Variants in FLNB observed in about 807,000 individuals in gnomAD.
FLNB encodes the protein filamin-B.
In FLNB, 111 loss-of-function variants were observed where a neutral mutation model predicts 250.6. The ratio of observed to expected loss-of-function variants is 0.44; its 90% confidence interval spans 0.38 to 0.52. FLNB has a LOEUF of 0.52. FLNB is among the 20% of genes least tolerant of loss of function. The pLI is 0.00. For synonymous variants in FLNB, 1,302 were observed against 1,372.1 expected, an observed-to-expected ratio of 0.95 and a Z score of 1.13; for missense variants, 2,869 against 3,447.8, an observed-to-expected ratio of 0.83 and a Z score of 4.20.
rs1171618218 is a variant in FLNB, at chr3:58,008,700, G to A, written c.136G>A (p.Asp46Asn). 1.2e-6 allele frequency: 2 copies of A among 1,614,186 alleles called. No individual in the cohort carries two copies. Among genetic ancestry groups the A allele is most frequent in the Admixed American group, 1.7e-5 (1 of 60,034 alleles). Residue 46 changes from aspartate (D) to asparagine (N), a missense_variant, in exon 1 of 46, where the codon GAC (aspartate) becomes AAC (asparagine). Asp to Asn is a conservative substitution (Grantham distance 23, BLOSUM62 1). This residue lies in a region of FLNB where 308 missense variants were observed against 466.1 expected (regional missense o/e 0.66). Transcript: ENST00000295956. ...CGGCAACCTGCAGACCGACCTGAGC[G>A]ACGGGCTGCGGCTCATCGCGCTGCT... ...RIGNLQTDLSDGLRLIALLEV... is the reference protein window; with the variant it reads ...RIGNLQTDLSNGLRLIALLEV...
In FLNB at chr3:58,026,130, C is replaced by A. The variant is rs184580118; in HGVS notation, c.292+17274C>A. On this transcript the variant is annotated intron_variant, in intron 1 of 45. Transcript: ENST00000295956. The stretch of plus-strand genomic sequence containing the variant: ...GGAAAAATAAGTCTTCACGTTAATG[C>A]CATGGGCTACCGCTTCTCTTTTCAG... Among the ~76,000 whole-genome samples the A allele has an allele frequency of 7.9e-4, 120 of 152,292 alleles. 1 individual carries two copies. The highest frequency in any genetic ancestry group is 2.8e-3 in the African/African-American group (116 of 41,562).
intron 4 of FLNB, among the ~76,000 whole-genome samples, chr3:58,090,742 T>C (rs1340598587): frequency 6.6e-6 from 1 of 152,168 alleles, no homozygotes; most frequent in Non-Finnish European, 1.5e-5. Flanking sequence ...CAAGTGGGGT[T>C]TATTGCAGGG....
Position 58,148,195 on chromosome 3 carries a change from A to T in FLNB, c.5729-11A>T. 6.2e-7 allele frequency: 1 copy of T among 1,614,074 alleles called. No homozygotes were observed. Among genetic ancestry groups the T allele is most frequent in the Non-Finnish European group, 8.5e-7 (1 of 1,180,006 alleles). ...ATGTAACGGGAGTCCTTTTTGGGGG[A>T]TGTTTCCCAGATGACAGCAGGCGGT... On this transcript the variant is annotated splice_polypyrimidine_tract_variant and intron_variant, in intron 34 of 45. Coordinates refer to ENST00000295956, the MANE Select transcript of FLNB (RefSeq NM_001457.4).
At chr3:58,038,509 A>T (rs2097141369) in intron 1 of FLNB, among the ~76,000 whole-genome samples, 1 of 151,106 alleles carries the variant, frequency 6.6e-6, no homozygotes, top group African/African-American at 2.4e-5. Context: ...CTATAACCTC[A>T]AATTGCTGGG....
At chr3:58,107,656 T>G (rs2097261830) in intron 12 of FLNB, among the ~76,000 whole-genome samples, 1 of 152,190 alleles carries the variant, frequency 6.6e-6, no homozygotes, top group South Asian at 2.1e-4. Flanking sequence ...CCGTGTCTCT[T>G]AAGTTGGAGC....
intron 4 of FLNB, among the ~76,000 whole-genome samples, chr3:58,084,771 TCTC>T (rs1386758209): frequency 6.6e-6 from 1 of 152,114 alleles, no homozygotes; most frequent in Non-Finnish European, 1.5e-5. Flanking sequence ...CATTCTCCCC[TCTC>T]CTCTGCTCCT....
chr3:58,145,817 G>A lies in FLNB; in HGVS notation c.5426-104G>A, dbSNP rs548429775. ...TGTCTCTTCATGCCTCTGCTTAGGA[G>A]GCGCCAGACCTGTAGAGAGGTGGAC... On this transcript the variant is annotated intron_variant, in intron 32 of 45. Coordinates refer to ENST00000295956, the MANE Select transcript of FLNB (RefSeq NM_001457.4). The A allele has an allele frequency of 2.8e-6, 4 of 1,415,778 alleles. No homozygotes were observed. The African/African-American group carries it at 5.6e-5, about 20-fold the overall frequency. The allele number at this position is 1,415,778 out of a possible 1,614,324, so 87.7% of individuals were successfully genotyped here.
chr3:58,142,459 A>T lies in FLNB; in HGVS notation c.5182-191A>T, dbSNP rs990588432. 2.6e-5 allele frequency among the ~76,000 whole-genome samples: 4 copies of T among 152,052 alleles called. No homozygotes were observed. The highest frequency in any genetic ancestry group is 2.0e-4 in the Admixed American group (3 of 15,266). On this transcript the variant is annotated intron_variant, in intron 30 of 45. Transcript: ENST00000295956. The surrounding 1 kb of genome is among the most constrained non-coding windows in gnomAD (Gnocchi z 4.3). The stretch of plus-strand genomic sequence containing the variant: ...TGATTGCTAACAGTTGGTCAGCATG[A>T]CCTCTCCAGTCCCTCAGGTTCTACC...
intron 38 of FLNB, chr3:58,150,581 T>C: frequency 2.9e-6 from 1 of 342,180 alleles, no homozygotes; most frequent in Non-Finnish European, 5.6e-6. Context: ...TCTGGAAGTA[T>C]TTAAGAGGTG....
At chr3:58,067,636 G>A (rs1227371708) in intron 1 of FLNB, among the ~76,000 whole-genome samples, 26 of 142,398 alleles carry the variant, frequency 1.8e-4, no homozygotes, top group African/African-American at 8.0e-5. Context: ...TCGCTCTGTC[G>A]CCCAGGCTGG....
At chr3:58,132,469 A>C in intron 25 of FLNB, 1 of 433,392 alleles carries the variant, frequency 2.3e-6, no homozygotes, top group Admixed American at 3.5e-5. Flanking sequence ...AAGCGTGCCT[A>C]ACCAGCTTGA....
In FLNB at chr3:58,115,799, C is replaced by CAAGAG. The variant is rs538966514; in HGVS notation, c.2746-3063_2746-3059dup. ...TTGAAGCCACCCACAACCCCACAAC[C>CAAGAG]AAGAGAAGAGAAGACCAAAGTCCTC... On this transcript the variant is annotated intron_variant, in intron 18 of 45. Coordinates refer to ENST00000295956, the MANE Select transcript of FLNB (RefSeq NM_001457.4). Among the ~76,000 whole-genome samples, 904 of 148,052 alleles carry CAAGAG rather than the reference C, an allele frequency of 6.1e-3. 6 individuals are homozygous for CAAGAG. The highest frequency in any genetic ancestry group is 9.5e-3 in the Non-Finnish European group (637 of 67,396).
intron 1 of FLNB, among the ~76,000 whole-genome samples, chr3:58,027,120 C>T (rs982179480): frequency 6.6e-6 from 1 of 151,748 alleles, no homozygotes; most frequent in African/African-American, 2.4e-5. Context: ...GGCAAGATTG[C>T]AGGTCCCAGG....
intron 1 of FLNB, among the ~76,000 whole-genome samples, chr3:58,057,490 C>T (rs985332421): frequency 4.6e-5 from 7 of 152,040 alleles, no homozygotes; most frequent in African/African-American, 9.7e-5. Flanking sequence ...CTGGGTTCAG[C>T]GGGGAGATTT....
Position 58,126,718 on chromosome 3 carries a change from G to C in FLNB, c.4178G>C (p.Gly1393Ala), listed in dbSNP as rs1281492558. 6.2e-7 allele frequency: 1 copy of C among 1,613,858 alleles called. No homozygotes were observed. The highest frequency in any genetic ancestry group is 2.2e-5 in the East Asian group (1 of 44,894). ...GCTGAGTACATTCCTTTCGCACCGG[G>C]GGATTACGATGTTAATATCACATAT... ...CSAEYIPFAPGDYDVNITYGG... is the reference protein window; with the variant it reads ...CSAEYIPFAPADYDVNITYGG... Residue 1393 changes from glycine to alanine, a missense_variant, in exon 24 of 46, where the codon GGG becomes GCG. Transcript: ENST00000295956.
At chr3:58,152,988 T>G in intron 38 of FLNB, 1 of 336,176 alleles carries the variant, frequency 3.0e-6, no homozygotes. Flanking sequence ...CCCTCTGCCA[T>G]TGGGACTTAC....
At chr3:58,052,014 G>A (rs1220805673) in intron 1 of FLNB, among the ~76,000 whole-genome samples, 1 of 152,102 alleles carries the variant, frequency 6.6e-6, no homozygotes, top group Non-Finnish European at 1.5e-5. Flanking sequence ...AGCCTCCTGA[G>A]TGGCTGGGAC....
intron 23 of FLNB, 117 bp downstream of exon 23, chr3:58,125,860 T>C: frequency 9.9e-7 from 1 of 1,011,314 alleles, no homozygotes. Flanking sequence ...AACATGTATT[T>C]CCTTCTGTAG....
intron 1 of FLNB, among the ~76,000 whole-genome samples, chr3:58,031,188 T>C (rs2097130337): frequency 6.6e-6 from 1 of 152,170 alleles, no homozygotes; most frequent in Non-Finnish European, 1.5e-5. Context: ...TATATGATTC[T>C]TCACTCCCCT....
Sources: gnomAD v4.1 joint callset for allele counts (sites outside exome capture counted in the v4.1 genomes callset) on GRCh38, gnomAD v4.1.1 for gene constraint, gnomAD v4.1.1 regional missense constraint, Gnocchi (gnomAD v3.1) non-coding constraint, MANE v1.5 for transcripts, NCBI Gene and HGNC (gene_info 2026-07-23, HGNC 2026-07-21) for gene names.